Variants in NECTIN3 observed in about 807,000 individuals in gnomAD.
NECTIN3 encodes nectin-3.
Under a neutral mutation model 49.4 loss-of-function variants are expected in NECTIN3, and 8 were observed. The observed-to-expected ratio is 0.16, with a 90% CI of 0.10 to 0.29. The LOEUF (loss-of-function observed/expected upper bound fraction) is 0.29, where lower values mean the gene tolerates loss of function less well. NECTIN3 is among the 10% of genes least tolerant of loss of function. NECTIN3 has a pLI of 1.00. For synonymous variants in NECTIN3, 277 were observed against 241.1 expected (o/e 1.15, Z -1.38); for missense variants, 581 against 654.6 (o/e 0.89, Z 1.23).
Position 111,103,616 on chromosome 3 carries a change from C to A in NECTIN3, c.161-8414C>A, listed in dbSNP as rs188923301. 1.4e-4 allele frequency among the ~76,000 whole-genome samples: 22 copies of A among 151,826 alleles called. No individual in the cohort carries two copies. The East Asian group carries it at 3.9e-3, about 27-fold the overall frequency. The stretch of plus-strand genomic sequence containing the variant: ...TAAAGAAAGGAAGAAATAAAACTTC[C>A]TTTCTAATCAGTATACATTTATTGC... On this transcript the variant is annotated intron_variant, in intron 1 of 5. Transcript: ENST00000485303.
At position 111,122,161 on chromosome 3, in the gene NECTIN3, G is replaced by A; in HGVS notation, c.840G>A (p.Trp280Ter). The change falls in exon 4 of 6, where the codon TGG (tryptophan) becomes TGA (stop). Residue 280 changes from tryptophan to a stop codon, truncating the protein, a stop_gained. Transcript: ENST00000485303. LOFTEE classifies it high-confidence loss of function. ...EVSVTGYDGN[W>*]FVGRKGVNLK... ...CGGTAACAGGATATGATGGAAATTGGTTTGTAGGAAGAAAAGGTGTTAATC... is the reference window on the plus strand; with the variant it reads ...CGGTAACAGGATATGATGGAAATTGATTTGTAGGAAGAAAAGGTGTTAATC... 1 of 1,613,396 alleles carries A rather than the reference G, an allele frequency of 6.2e-7. No individual in the cohort carries two copies. Among genetic ancestry groups the A allele is most frequent in the Non-Finnish European group, 8.5e-7 (1 of 1,179,536 alleles).
At chr3:111,115,433 C>T (rs916108047) in intron 2 of NECTIN3, among the ~76,000 whole-genome samples, 2 of 152,184 alleles carry the variant, frequency 1.3e-5, no homozygotes, top group Middle Eastern at 3.2e-3. Flanking sequence ...CTATTCTCAG[C>T]CCCTTGCTGT....
chr3:111,168,943 T>C (rs1033261899), intron 7 of NECTIN3, among the ~76,000 whole-genome samples: 2 of 152,140 alleles, frequency 1.3e-5, no homozygotes, highest in African/African-American at 4.8e-5. Context: ...CTCCCTATAT[T>C]ACCTTGTACT....
chr3:111,118,937 A>G lies in NECTIN3; in HGVS notation c.784A>G (p.Ile262Val). The G allele has an allele frequency of 6.2e-7, 1 of 1,612,976 alleles. No homozygotes were observed. The highest frequency in any genetic ancestry group is 2.2e-5 in the East Asian group (1 of 44,862). ...GGAAAAGGACATCCGATACTCTTTC[A>G]TATTAGACATACAGTGTAAGTAAAT... is the stretch of plus-strand genomic sequence containing the variant. ...ALEKDIRYSFILDIQYAPEVS... is the reference protein window; with the variant it reads ...ALEKDIRYSFVLDIQYAPEVS... Residue 262 changes from isoleucine (I) to valine (V), a missense_variant, in exon 3 of 6, where the codon ATA (isoleucine) becomes GTA (valine). Ile to Val is a conservative substitution (Grantham distance 29, BLOSUM62 3). Around this residue, in one of 3 missense-constraint regions of NECTIN3, gnomAD observed 234 missense variants for 340.6 expected, o/e 0.69. Transcript: ENST00000485303.
intron 7 of NECTIN3, among the ~76,000 whole-genome samples, chr3:111,169,479 T>A (rs368980461): frequency 2.6e-5 from 4 of 151,582 alleles, no homozygotes; most frequent in African/African-American, 9.7e-5. Context: ...GATATTGGGA[T>A]ATTGTCAATA....
At chr3:111,162,315 C>G (rs1471319790) in intron 7 of NECTIN3, among the ~76,000 whole-genome samples, 1 of 152,136 alleles carries the variant, frequency 6.6e-6, no homozygotes, top group Non-Finnish European at 1.5e-5. Flanking sequence ...CCCATAATCC[C>G]CACATCATGG....
intron 1 of NECTIN3, among the ~76,000 whole-genome samples, chr3:111,081,292 A>G (rs1012220585): frequency 6.6e-6 from 1 of 152,020 alleles, no homozygotes; most frequent in Non-Finnish European, 1.5e-5. Flanking sequence ...CCATAAAAAC[A>G]AAAGACAAAA....
chr3:111,118,516 A>G, intron 2 of NECTIN3, 140 bp from the exon 3 acceptor site: 1 of 722,570 alleles, frequency 1.4e-6, no homozygotes, highest in Non-Finnish European at 2.1e-6. Context: ...GTAATTGACG[A>G]TGGCATTACC....
intron 5 of NECTIN3, among the ~76,000 whole-genome samples, chr3:111,132,965 T>A (rs984009306): frequency 3.3e-5 from 5 of 151,858 alleles, no homozygotes; most frequent in Non-Finnish European, 5.9e-5. Context: ...TGCTTTTTTA[T>A]TTTTTTAAAT....
At chr3:111,109,669 T>C (rs1053804451) in intron 1 of NECTIN3, among the ~76,000 whole-genome samples, 1 of 152,076 alleles carries the variant, frequency 6.6e-6, no homozygotes, top group Admixed American at 6.6e-5. Flanking sequence ...TATATATAGG[T>C]CTGTTTGTGT....
chr3:111,091,185 A>T (rs917264973), intron 1 of NECTIN3, among the ~76,000 whole-genome samples: 6 of 152,140 alleles, frequency 3.9e-5, no homozygotes, highest in Non-Finnish European at 8.8e-5. Flanking sequence ...CTTTGTCTTT[A>T]AACATGTACT....
chr3:111,172,421 T>A (rs77649525), intron 7 of NECTIN3, among the ~76,000 whole-genome samples: 5,204 of 152,292 alleles, frequency 0.034, 267 homozygotes, highest in East Asian at 0.22. Context: ...ATCATTTCCA[T>A]CTACTTTTAC....
chr3:111,081,444 A>ATG (rs201881614), intron 1 of NECTIN3, among the ~76,000 whole-genome samples: 17 of 152,090 alleles, frequency 1.1e-4, no homozygotes, highest in African/African-American at 2.9e-4. Context: ...TTCTCTGTGT[A>ATG]TGTGTGTGTG....
intron 1 of NECTIN3, among the ~76,000 whole-genome samples, chr3:111,108,336 G>T (rs993802188): frequency 6.6e-6 from 1 of 151,566 alleles, no homozygotes; most frequent in Non-Finnish European, 1.5e-5. Flanking sequence ...GTCATGCTGA[G>T]AGAGAGGCTT....
intron 7 of NECTIN3, among the ~76,000 whole-genome samples, chr3:111,155,081 G>A (rs539455118): frequency 6.6e-6 from 1 of 152,200 alleles, no homozygotes; most frequent in African/African-American, 2.4e-5. Flanking sequence ...GGGACTACAG[G>A]TGCGCACCAC....
intron 1 of NECTIN3, among the ~76,000 whole-genome samples, chr3:111,100,434 A>C (rs1465365758): frequency 6.6e-6 from 1 of 152,156 alleles, no homozygotes; most frequent in East Asian, 1.9e-4. Flanking sequence ...AATACTGTGT[A>C]AAATTACTTT....
chr3:111,119,576 C>T (rs771903834), intron 3 of NECTIN3, among the ~76,000 whole-genome samples: 7 of 152,312 alleles, frequency 4.6e-5, no homozygotes, highest in Middle Eastern at 3.4e-3. Context: ...GTGATCCTCC[C>T]GCCTTGGTCT....
At chr3:111,181,725 G>T (rs952522598) in intron 7 of NECTIN3, among the ~76,000 whole-genome samples, 1 of 152,016 alleles carries the variant, frequency 6.6e-6, no homozygotes, top group Non-Finnish European at 1.5e-5. Context: ...GGGATCAGCA[G>T]TAATGTCACC....
rs937022622 is a variant in NECTIN3, at chr3:111,119,068, G to C, written c.799+116G>C. Reference sequence around the variant, plus strand: ...TTTTGTTTTTCTTTTAATTTTGTTTGTTTTCATGGAAATTTCATTTAACCA... The same window carrying C: ...TTTTGTTTTTCTTTTAATTTTGTTTCTTTTCATGGAAATTTCATTTAACCA... On this transcript the variant is annotated intron_variant, in intron 3 of 5. Coordinates refer to ENST00000485303, the MANE Select transcript of NECTIN3 (RefSeq NM_015480.3). 5 of 982,310 alleles carry C rather than the reference G, an allele frequency of 5.1e-6. No homozygotes were observed. The African/African-American group carries it at 8.3e-5, about 16-fold the overall frequency. 60.8% of individuals were successfully genotyped at this position (982,310 alleles called of 1,614,324 possible).
Sources: gnomAD v4.1 joint callset for allele counts (sites outside exome capture counted in the v4.1 genomes callset) on GRCh38, gnomAD v4.1.1 for gene constraint, gnomAD v4.1.1 regional missense constraint, MANE v1.5 for transcripts, NCBI Gene and HGNC (gene_info 2026-07-23, HGNC 2026-07-21) for gene names.